STX8: variants seen among roughly 807,000 people sequenced by gnomAD.
STX8 encodes the protein syntaxin-8.
In STX8, 23 loss-of-function variants were observed where a neutral mutation model predicts 37.5. That is an observed-to-expected ratio of 0.61 (90% CI 0.44 to 0.87). The LOEUF (loss-of-function observed/expected upper bound fraction) is 0.87. Among genes scored for constraint, STX8 ranks in the 40% least tolerant of loss-of-function variants. The pLI is 0.00. For missense variants in STX8, 313 were observed against 284.7 expected, an observed-to-expected ratio of 1.10 and a Z score of -0.71; for synonymous variants, 115 against 99.1, an observed-to-expected ratio of 1.16 and a Z score of -0.95.
intron 3 of STX8, chr17:9,554,412 CAA>C (rs1353424746): frequency 6.6e-6 from 1 of 151,846 alleles, no homozygotes; most frequent in Non-Finnish European, 1.5e-5. Flanking sequence ...AAGGAAGCAC[CAA>C]AAAAATCTAA....
chr17:9,268,357 A>G (rs1907306889), intron 7 of STX8, among the ~76,000 whole-genome samples: 2 of 152,098 alleles, frequency 1.3e-5, no homozygotes, highest in South Asian at 4.1e-4. Context: ...GGAGCCTCTT[A>G]CCAAAAGTGG....
intron 7 of STX8, among the ~76,000 whole-genome samples, chr17:9,356,059 G>C (rs1910871636): frequency 6.6e-6 from 1 of 152,150 alleles, no homozygotes; most frequent in Admixed American, 6.6e-5. Flanking sequence ...AGAAAGAAAG[G>C]AAGTAGCTGA....
At chr17:9,543,700 C>G (rs1250615479) in intron 4 of STX8, among the ~76,000 whole-genome samples, 1 of 152,134 alleles carries the variant, frequency 6.6e-6, no homozygotes, top group East Asian at 1.9e-4. Context: ...ACCCCTGTAC[C>G]CTGGGACTGA....
chr17:9,272,438 C>T (rs181230320), intron 7 of STX8, among the ~76,000 whole-genome samples: 242 of 152,280 alleles, frequency 1.6e-3, no homozygotes, highest in African/African-American at 5.4e-3. Flanking sequence ...TTATTTCCAC[C>T]GCATCAGGGG....
intron 6 of STX8, among the ~76,000 whole-genome samples, chr17:9,385,001 G>A (rs1024151138): frequency 2.0e-5 from 3 of 149,130 alleles, no homozygotes; most frequent in Non-Finnish European, 4.4e-5. Context: ...ACCTAGAACT[G>A]TAAAGCTTCT....
intron 7 of STX8, among the ~76,000 whole-genome samples, chr17:9,345,932 A>G (rs541035473): frequency 7.6e-6 from 1 of 130,938 alleles, no homozygotes; most frequent in Non-Finnish European, 1.5e-5. Context: ...GCTCACTGCT[A>G]CCTCCGCGTC....
intron 7 of STX8, among the ~76,000 whole-genome samples, chr17:9,308,275 C>T (rs867466706): frequency 6.6e-6 from 1 of 152,124 alleles, no homozygotes; most frequent in Non-Finnish European, 1.5e-5. Context: ...AGGGCAGGAC[C>T]CCTTTGGAAT....
intron 7 of STX8, among the ~76,000 whole-genome samples, chr17:9,356,530 G>C (rs2142253126): frequency 6.6e-6 from 1 of 152,292 alleles, no homozygotes; most frequent in South Asian, 2.1e-4. Context: ...CTGGGGCTTG[G>C]AGTCTGTGAA....
At chr17:9,477,818 T>C (rs1597697317) in intron 6 of STX8, among the ~76,000 whole-genome samples, 1 of 152,208 alleles carries the variant, frequency 6.6e-6, no homozygotes, top group Non-Finnish European at 1.5e-5. Context: ...TGGGGGTGGC[T>C]GTGGCCCAAG....
At chr17:9,309,286 A>G (rs1379072081) in intron 7 of STX8, among the ~76,000 whole-genome samples, 1 of 152,182 alleles carries the variant, frequency 6.6e-6, no homozygotes, top group African/African-American at 2.4e-5. Flanking sequence ...GGTACTTGTG[A>G]TAAAGGGTGT....
intron 6 of STX8, among the ~76,000 whole-genome samples, chr17:9,471,586 C>T (rs922188599): frequency 1.3e-5 from 2 of 152,144 alleles, no homozygotes; most frequent in African/African-American, 4.8e-5. Flanking sequence ...TATCAATGCT[C>T]TGTTTCATTA....
intron 7 of STX8, among the ~76,000 whole-genome samples, chr17:9,315,473 C>T (rs1222871889): frequency 6.6e-6 from 1 of 152,144 alleles, no homozygotes; most frequent in East Asian, 1.9e-4. Flanking sequence ...GAGCCCAATT[C>T]TAATGCATTT....
intron 6 of STX8, among the ~76,000 whole-genome samples, chr17:9,429,451 C>A (rs531051504): frequency 6.9e-6 from 1 of 144,370 alleles, no homozygotes; most frequent in Non-Finnish European, 1.5e-5. Context: ...CACCTGTAAT[C>A]CCAGCACTTT....
intron 7 of STX8, among the ~76,000 whole-genome samples, chr17:9,323,787 G>A (rs1909655208): frequency 6.6e-6 from 1 of 152,202 alleles, no homozygotes; most frequent in African/African-American, 2.4e-5. Context: ...GAGATTAGCA[G>A]GAGTTGGCAG....
intron 6 of STX8, among the ~76,000 whole-genome samples, chr17:9,427,415 T>A (rs1567555357): frequency 6.6e-6 from 1 of 152,188 alleles, no homozygotes; most frequent in East Asian, 1.9e-4. Flanking sequence ...AGGACAAAAA[T>A]CCATGTCGGT....
In STX8 at chr17:9,350,108, G is replaced by A. The variant is rs533182735; in HGVS notation, c.643+28444C>T. ...TCAGAAGCAAGATCATCTGGTTCGA[G>A]TAATCCTGAATCACTGAGCCCTGAT... On this transcript the variant is annotated intron_variant, in intron 7 of 7. Transcript: ENST00000306357. Among the ~76,000 whole-genome samples, 6 of 152,296 alleles carry A rather than the reference G, an allele frequency of 3.9e-5. No homozygotes were observed. In the East Asian group the frequency reaches 1.2e-3, roughly 29 times the overall value.
chr17:9,397,180 G>A (rs1277015600), intron 6 of STX8, among the ~76,000 whole-genome samples: 6 of 152,168 alleles, frequency 3.9e-5, no homozygotes, highest in Admixed American at 2.6e-4. Context: ...GGCAGATCAC[G>A]ACGTCAGGAG....
At chr17:9,556,119 G>C (rs1055289231) in intron 3 of STX8, among the ~76,000 whole-genome samples, 3 of 152,136 alleles carry the variant, frequency 2.0e-5, no homozygotes, top group African/African-American at 4.8e-5. Flanking sequence ...ATCCGTAATT[G>C]AATGTCTAGA....
chr17:9,385,563 T>C (rs1911969210), intron 6 of STX8, among the ~76,000 whole-genome samples: 1 of 152,156 alleles, frequency 6.6e-6, no homozygotes, highest in Non-Finnish European at 1.5e-5. Context: ...GAAAAACAGC[T>C]CAAATATTGT....
Sources: allele counts gnomAD v4.1 joint callset (sites outside exome capture counted in the v4.1 genomes callset), GRCh38; gene constraint gnomAD v4.1.1; transcripts MANE v1.5; gene names NCBI Gene and HGNC (gene_info 2026-07-23, HGNC 2026-07-21).